The following ZMAT4 variants were observed in gnomAD, a reference collection of about 807,000 sequenced individuals.
The protein encoded by ZMAT4 is zinc finger matrin-type protein 4.
ZMAT4 carries 17 observed loss-of-function variants against 28.7 expected under a neutral mutation model. That is an observed-to-expected ratio of 0.59 (90% CI 0.41 to 0.89). ZMAT4 has a LOEUF of 0.89. Ranked by LOEUF, ZMAT4 falls within the 40% of genes least tolerant of loss-of-function variation. The pLI is 0.00. For synonymous variants in ZMAT4, 117 were observed against 109.2 expected, an observed-to-expected ratio of 1.07 and a Z score of -0.44; for missense variants, 240 against 283.8, an observed-to-expected ratio of 0.85 and a Z score of 1.11.
At chr8:40,533,700 C>T (rs1802763289) in intron 6 of ZMAT4, among the ~76,000 whole-genome samples, 1 of 152,180 alleles carries the variant, frequency 6.6e-6, no homozygotes, top group African/African-American at 2.4e-5. Flanking sequence ...AAAATTGAGA[C>T]TATATGCATA....
At chr8:40,887,191 C>G (rs921575526) in intron 1 of ZMAT4, among the ~76,000 whole-genome samples, 142 of 128,664 alleles carry the variant, frequency 1.1e-3, no homozygotes, top group African/African-American at 3.7e-3. Flanking sequence ...AAAAAAAAAG[C>G]CGGTTTTGGC....
chr8:40,666,758 C>T (rs537425232), intron 5 of ZMAT4, among the ~76,000 whole-genome samples: 1 of 152,042 alleles, frequency 6.6e-6, no homozygotes, highest in African/African-American at 2.4e-5. Flanking sequence ...GACTTTCAAA[C>T]GACACAAGTT....
chr8:40,581,035 T>C (rs2118543845), intron 6 of ZMAT4, 130 bp downstream of exon 6: 1 of 669,412 alleles, frequency 1.5e-6, no homozygotes, highest in East Asian at 2.8e-5. Context: ...AAATATCATG[T>C]GAACTTTGAA....
intron 4 of ZMAT4, among the ~76,000 whole-genome samples, chr8:40,691,448 G>GCTGAAACAA (rs1809660280): frequency 6.6e-6 from 1 of 151,314 alleles, no homozygotes; most frequent in African/African-American, 2.4e-5. Flanking sequence ...CAGAATGAGA[G>GCTGAAACAA]CTGAAACAAG....
intron 6 of ZMAT4, among the ~76,000 whole-genome samples, chr8:40,553,692 C>T (rs1471116599): frequency 6.6e-6 from 1 of 152,062 alleles, no homozygotes; most frequent in African/African-American, 2.4e-5. Context: ...AAGTGATCAC[C>T]TAAGGTTGCA....
intron 5 of ZMAT4, among the ~76,000 whole-genome samples, chr8:40,637,298 A>T (rs977215380): frequency 4.6e-5 from 7 of 152,240 alleles, no homozygotes; most frequent in Non-Finnish European, 1.0e-4. Context: ...TTTTAGAAAC[A>T]CAATAAAAGT....
At chr8:40,742,527 A>G (rs901080492) in intron 3 of ZMAT4, among the ~76,000 whole-genome samples, 2 of 152,134 alleles carry the variant, frequency 1.3e-5, no homozygotes, top group Non-Finnish European at 2.9e-5. Flanking sequence ...CAATATTTAA[A>G]AAACAATAAT....
chr8:40,849,616 G>A (rs1260452872), intron 1 of ZMAT4, among the ~76,000 whole-genome samples: 19 of 152,100 alleles, frequency 1.2e-4, no homozygotes, highest in Admixed American at 1.2e-3. Flanking sequence ...AGAAAAGGGT[G>A]GGGAGAGAAG....
chr8:40,718,221 C>A (rs549971864), intron 3 of ZMAT4, among the ~76,000 whole-genome samples: 95 of 152,286 alleles, frequency 6.2e-4, no homozygotes, highest in Non-Finnish European at 2.5e-4. Context: ...GCAATTCTGC[C>A]CAAAAATAAA....
chr8:40,880,009 G>A (rs1176028735), intron 1 of ZMAT4, among the ~76,000 whole-genome samples: 1 of 152,122 alleles, frequency 6.6e-6, no homozygotes, highest in African/African-American at 2.4e-5. Context: ...ATGATTTTGT[G>A]CACGCATATT....
intron 1 of ZMAT4, among the ~76,000 whole-genome samples, chr8:40,889,567 A>G (rs1260897804): frequency 6.6e-6 from 1 of 152,230 alleles, no homozygotes; most frequent in Non-Finnish European, 1.5e-5. Context: ...AAATTTTGAT[A>G]ATATAATATT....
intron 5 of ZMAT4, among the ~76,000 whole-genome samples, chr8:40,646,572 A>C (rs1215222213): frequency 6.6e-6 from 1 of 152,120 alleles, no homozygotes; most frequent in African/African-American, 2.4e-5. Flanking sequence ...CCATTTAATA[A>C]ATTGTATTTA....
intron 6 of ZMAT4, among the ~76,000 whole-genome samples, chr8:40,566,980 TG>T (rs1470504866): frequency 1.3e-5 from 2 of 152,180 alleles, no homozygotes; most frequent in African/African-American, 4.8e-5. Context: ...AAGATCTTTT[TG>T]TTAGAATATA....
At chr8:40,700,410 TC>T (rs200023186) in intron 3 of ZMAT4, among the ~76,000 whole-genome samples, 10,315 of 104,316 alleles carry the variant, frequency 0.099, 3,022 homozygotes, top group East Asian at 0.22. Context: ...CTGCTGCTTT[TC>T]TTTTTTTTTT....
At chr8:40,707,312 A>T (rs955728944) in intron 3 of ZMAT4, among the ~76,000 whole-genome samples, 1 of 148,804 alleles carries the variant, frequency 6.7e-6, no homozygotes, top group African/African-American at 2.5e-5. Context: ...TGTCATCTCT[A>T]ACCCCCAGCA....
intron 3 of ZMAT4, among the ~76,000 whole-genome samples, chr8:40,703,405 G>A (rs1052738847): frequency 2.0e-5 from 3 of 152,112 alleles, no homozygotes; most frequent in African/African-American, 7.2e-5. Context: ...AAAGATTAAA[G>A]AACTGATACA....
chr8:40,540,365 T>C (rs1298213191), intron 6 of ZMAT4, among the ~76,000 whole-genome samples: 5 of 152,276 alleles, frequency 3.3e-5, no homozygotes, highest in East Asian at 3.9e-4. Context: ...ACTCACCTTT[T>C]AAATTGTCTG....
chr8:40,840,365 A>G (rs1031712663), intron 1 of ZMAT4, among the ~76,000 whole-genome samples: 7 of 152,118 alleles, frequency 4.6e-5, no homozygotes, highest in South Asian at 2.1e-4. Flanking sequence ...TGAGGCTACT[A>G]TACCTGCACC....
At chr8:40,740,486 C>T (rs1012510155) in intron 3 of ZMAT4, among the ~76,000 whole-genome samples, 7 of 152,172 alleles carry the variant, frequency 4.6e-5, no homozygotes, top group African/African-American at 1.7e-4. Flanking sequence ...TAACAATATG[C>T]TTCTTTATAA....
Sources: gnomAD v4.1 joint callset for allele counts (sites outside exome capture counted in the v4.1 genomes callset) on GRCh38, gnomAD v4.1.1 for gene constraint, MANE v1.5 for transcripts, NCBI Gene and HGNC (gene_info 2026-07-23, HGNC 2026-07-21) for gene names.